The following GALT variants were observed in gnomAD, a reference collection of about 807,000 sequenced individuals.
GALT encodes UDP-glucose--hexose-1-phosphate uridylyltransferase.
Under a neutral mutation model 55.4 loss-of-function variants are expected in GALT, and 42 were observed. The ratio of observed to expected loss-of-function variants is 0.76; its 90% confidence interval spans 0.59 to 0.98. The LOEUF is 0.98. Among genes scored for constraint, GALT ranks in the 50% least tolerant of loss-of-function variants. The pLI, the probability that GALT is intolerant of heterozygous loss-of-function variation, is 0.00. For synonymous variants in GALT, 154 were observed against 181.5 expected (o/e 0.85, Z 1.22); for missense variants, 407 against 495.7 (o/e 0.82, Z 1.70).
chr9:34,648,887 G>C lies in GALT; in HGVS notation c.813G>C (p.Glu271Asp), dbSNP rs1262475195. The C allele has an allele frequency of 1.2e-6, 2 of 1,613,218 alleles. No individual in the cohort carries two copies. Among genetic ancestry groups the C allele is most frequent in the Non-Finnish European group, 1.7e-6 (2 of 1,180,040 alleles). ...VRRLPELTPAERDDLASIMKK... is the reference protein window; with the variant it reads ...VRRLPELTPADRDDLASIMKK... ...GGCTACCTGAGCTGACCCCTGCTGA[G>C]CGTGATGGTCAGTCTCCCAAGTAGG... The change falls in exon 8 of 11, where the codon GAG (glutamate) becomes GAC (aspartate). Residue 271 changes from glutamate (E) to aspartate (D), a missense_variant. Glu to Asp is a conservative substitution (Grantham distance 45). Coordinates refer to ENST00000378842, the MANE Select transcript of GALT (RefSeq NM_000155.4). This position sits in a 1 kb window ranked among gnomAD's most constrained non-coding sequence, Gnocchi z 4.9.
intron 10 of GALT, 44 bp downstream of exon 10, chr9:34,649,608 A>G: frequency 6.2e-7 from 1 of 1,606,472 alleles, no homozygotes; most frequent in Non-Finnish European, 8.5e-7. Context: ...TCTCACATGC[A>G]GTATGTGCAG....
At position 34,648,292 on chromosome 9, in the gene GALT, T is replaced by A. The variant is rs1587239145; in HGVS notation, c.565-42T>A. ...TGCCAATGATGTGGAGGCTTGGAGG[T>A]AAAGGACCTGCCTGTTCTTCTCTGC... On this transcript the variant is annotated intron_variant, in intron 6 of 10. Coordinates refer to ENST00000378842, the MANE Select transcript of GALT (RefSeq NM_000155.4). The surrounding 1 kb of genome is among the most constrained non-coding windows in gnomAD (Gnocchi z 4.9). 6.2e-7 allele frequency: 1 copy of A among 1,613,732 alleles called. No homozygotes were observed. The highest frequency in any genetic ancestry group is 8.5e-7 in the Non-Finnish European group (1 of 1,180,004).
chr9:34,650,145 T>A, intron 10 of GALT: 1 of 551,012 alleles, frequency 1.8e-6, no homozygotes, highest in South Asian at 2.2e-5. Flanking sequence ...TAGCCAGGTA[T>A]GGTGGCATAT....
rs111033743 is a variant in GALT at position 34,648,388 on chromosome 9, C to T, written c.619C>T (p.Gln207Ter). Residue 207 changes from glutamine (Q) to a stop codon, truncating the protein, a stop_gained, in exon 7 of 11, where the codon CAG becomes TAG. Coordinates refer to ENST00000378842, the MANE Select transcript of GALT (RefSeq NM_000155.4). LOFTEE classifies it high-confidence loss of function. This position sits in a 1 kb window ranked among gnomAD's most constrained non-coding sequence, Gnocchi z 4.9. ...DIAQREERSQQAYKSQHGEPL... is the reference protein window; with the variant it reads ...DIAQREERSQ ...TGCCCAGCGTGAGGAGCGATCTCAG[C>T]AGGCCTATAAGAGTCAGCATGGAGA... The T allele has an allele frequency of 2.5e-6, 4 of 1,614,188 alleles. No homozygotes were observed. In the Admixed American group the frequency reaches 6.7e-5, roughly 27 times the overall value.
Position 34,648,291 on chromosome 9 carries a change from G to C in GALT, c.565-43G>C. Reference sequence around the variant, plus strand: ...ATGCCAATGATGTGGAGGCTTGGAGGTAAAGGACCTGCCTGTTCTTCTCTG... The same window carrying C: ...ATGCCAATGATGTGGAGGCTTGGAGCTAAAGGACCTGCCTGTTCTTCTCTG... On this transcript the variant is annotated intron_variant, in intron 6 of 10. Transcript: ENST00000378842. The surrounding 1 kb of genome is among the most constrained non-coding windows in gnomAD (Gnocchi z 4.9). The C allele has an allele frequency of 6.2e-7, 1 of 1,613,906 alleles. No homozygotes were observed. The highest frequency in any genetic ancestry group is 1.1e-5 in the South Asian group (1 of 91,064).
intron 9 of GALT, 76 bp downstream of exon 9, chr9:34,649,157 A>T (rs1169090101): frequency 6.9e-7 from 1 of 1,439,976 alleles, no homozygotes; most frequent in Non-Finnish European, 9.8e-7. Context: ...GTGAACTGCA[A>T]CCTCAAAGGA....
rs111033669 is a variant in GALT at position 34,647,529 on chromosome 9, A to G, written c.290A>G (p.Asn97Ser). Residue 97 changes from asparagine (N) to serine (S), a missense_variant, in exon 3 of 11, where the codon AAC becomes AGC. By Grantham distance (46) the Asn-to-Ser change is conservative. Coordinates refer to ENST00000378842, the MANE Select transcript of GALT (RefSeq NM_000155.4). This position sits in a 1 kb window ranked among gnomAD's most constrained non-coding sequence, Gnocchi z 5.6. ...TACGATAGCACCTTCCTGTTTGACA[A>G]CGACTTCCCAGCTCTGCAGCCTGAT... Reference protein sequence around the residue: ...PQYDSTFLFDNDFPALQPDAP... With the variant: ...PQYDSTFLFDSDFPALQPDAP... The G allele has an allele frequency of 3.1e-6, 5 of 1,614,082 alleles. No individual in the cohort carries two copies. Among genetic ancestry groups the G allele is most frequent in the East Asian group, 4.5e-5 (2 of 44,876 alleles).
At position 34,650,714 on chromosome 9, in the gene GALT, T is replaced by C. The variant is rs1480150218; in HGVS notation, c.*265T>C. 3 of 497,944 alleles carry C rather than the reference T, an allele frequency of 6.0e-6. No individual in the cohort carries two copies. The highest frequency in any genetic ancestry group is 1.1e-5 in the Non-Finnish European group (3 of 276,786). 30.8% of individuals were successfully genotyped at this position (497,944 alleles called of 1,614,324 possible). A position where few individuals can be genotyped will look rare whatever the true frequency, so the allele number is the denominator to read the frequency against. On this transcript the variant is annotated 3_prime_UTR_variant, in exon 11 of 11. Coordinates refer to ENST00000378842, the MANE Select transcript of GALT (RefSeq NM_000155.4). ...TCTTGATGCAAAAATCTACCCCAAA[T>C]TTCTGAACAAAATTAATATTCAGTA...
chr9:34,649,580 A>T lies in GALT; in HGVS notation c.1059+16A>T, dbSNP rs1821203972. The T allele has an allele frequency of 3.7e-6, 6 of 1,614,126 alleles. No individual in the cohort carries two copies. The East Asian group carries it at 1.3e-4, about 36-fold the overall frequency. The stretch of plus-strand genomic sequence containing the variant: ...CCCTGAGCAGGTCAGGACTCAGAAC[A>T]GTCTGGCGTCTCCAGACTCTCACAT... On this transcript the variant is annotated intron_variant, in intron 10 of 10. Coordinates refer to ENST00000378842, the MANE Select transcript of GALT (RefSeq NM_000155.4).
rs111033705 is a variant in GALT, at chr9:34,647,944, C to T, written c.490C>T (p.Gln164Ter). ...WASVTEELGA[Q>*]YPWVQIFENK... is the part of the protein sequence containing the mutation. ...CTCAGTCACAGAGGAGCTGGGTGCC[C>T]AGTACCCTTGGGTGCAGGTTTGTGA... Residue 164 changes from glutamine to a stop codon, truncating the protein, a stop_gained, in exon 5 of 11, where the codon CAG (glutamine) becomes TAG (stop). Transcript: ENST00000378842. LOFTEE classifies it high-confidence loss of function. This position sits in a 1 kb window ranked among gnomAD's most constrained non-coding sequence, Gnocchi z 5.6. 6.2e-7 allele frequency: 1 copy of T among 1,614,094 alleles called. No homozygotes were observed. Among genetic ancestry groups the T allele is most frequent in the Non-Finnish European group, 8.5e-7 (1 of 1,180,052 alleles).
rs111033674 is a variant in GALT, at chr9:34,647,695, C to G, written c.367C>G (p.Arg123Gly). The change falls in exon 4 of 11, where the codon CGA becomes GGA. Residue 123 changes from arginine (R) to glycine (G), a missense_variant. Coordinates refer to ENST00000378842, the MANE Select transcript of GALT (RefSeq NM_000155.4). The surrounding 1 kb of genome is among the most constrained non-coding windows in gnomAD (Gnocchi z 5.6). ...TCCCCTTTTCCAAGCAAAGTCTGCT[C>G]GAGGAGTCTGGTAACTATGGATTTC... ...DHPLFQAKSA[R>G]GVCKVMCFHP... 4.3e-6 allele frequency: 7 copies of G among 1,614,000 alleles called. No individual in the cohort carries two copies. The highest frequency in any genetic ancestry group is 1.1e-5 in the South Asian group (1 of 91,074).
At position 34,649,057 on chromosome 9, in the gene GALT, T is replaced by C; in HGVS notation, c.880T>C (p.Phe294Leu). Residue 294 changes from phenylalanine to leucine, a missense_variant, in exon 9 of 11, where the codon TTT (phenylalanine) becomes CTT (leucine). By Grantham distance (22) the Phe-to-Leu change is conservative (BLOSUM62 0). Transcript: ENST00000378842. ...GTATGACAACCTCTTTGAGACGTCC[T>C]TTCCCTACTCCATGGGCTGGCATGG... The part of the protein sequence containing the change: ...TKYDNLFETS[F>L]PYSMGWHGAP... 1 of 1,614,172 alleles carries C rather than the reference T, an allele frequency of 6.2e-7. No homozygotes were observed. The highest frequency in any genetic ancestry group is 8.5e-7 in the Non-Finnish European group (1 of 1,179,998).
chr9:34,647,478 A>C lies in GALT; in HGVS notation c.253-14A>C, dbSNP rs369529357. 7 of 1,613,796 alleles carry C rather than the reference A, an allele frequency of 4.3e-6. No individual in the cohort carries two copies. Among genetic ancestry groups the C allele is most frequent in the Non-Finnish European group, 5.9e-6 (7 of 1,179,872 alleles). ...ATGGGGCAGTGAGTGCTTCTAGCCTATCCTTGTCGGTAGGTGAATCCCCAG... is the reference window on the plus strand; with the variant it reads ...ATGGGGCAGTGAGTGCTTCTAGCCTCTCCTTGTCGGTAGGTGAATCCCCAG... On this transcript the variant is annotated splice_polypyrimidine_tract_variant and intron_variant, in intron 2 of 10. Transcript: ENST00000378842. The surrounding 1 kb of genome is among the most constrained non-coding windows in gnomAD (Gnocchi z 5.6).
intron 1 of GALT, 25 bp downstream of exon 1, chr9:34,646,811 G>T: frequency 6.2e-7 from 1 of 1,613,072 alleles, no homozygotes; most frequent in Non-Finnish European, 8.5e-7. Flanking sequence ...GCAGGGACTC[G>T]CTGGGGCGCG....
intron 10 of GALT, 80 bp downstream of exon 10, chr9:34,649,644 T>C (rs554948336): frequency 9.4e-5 from 144 of 1,534,598 alleles, no homozygotes; most frequent in Non-Finnish European, 1.3e-4. Flanking sequence ...GTTGCCCTTG[T>C]GCTCCAGTCA....
chr9:34,647,525 G>C lies in GALT; in HGVS notation c.286G>C (p.Asp96His), dbSNP rs1564100952. Residue 96 changes from aspartate to histidine, a missense_variant, in exon 3 of 11, where the codon GAC becomes CAC. By Grantham distance (81) the Asp-to-His change is moderately conservative. Transcript: ENST00000378842. This position sits in a 1 kb window ranked among gnomAD's most constrained non-coding sequence, Gnocchi z 5.6. ...CCAGTACGATAGCACCTTCCTGTTT[G>C]ACAACGACTTCCCAGCTCTGCAGCC... ...NPQYDSTFLFDNDFPALQPDA... is the reference protein window; with the variant it reads ...NPQYDSTFLFHNDFPALQPDA... The C allele has an allele frequency of 2.5e-6, 4 of 1,614,136 alleles. No homozygotes were observed. Among genetic ancestry groups the C allele is most frequent in the Non-Finnish European group, 3.4e-6 (4 of 1,180,028 alleles).
In GALT at chr9:34,649,496, A is replaced by G. The variant is rs755275031; in HGVS notation, c.991A>G (p.Thr331Ala). Residue 331 changes from threonine to alanine, a missense_variant, in exon 10 of 11, where the codon ACT becomes GCT. Coordinates refer to ENST00000378842, the MANE Select transcript of GALT (RefSeq NM_000155.4). ...CTACCCTCCGCTCCTGCGCTCTGCC[A>G]CTGTCCGGAAATTCATGGTTGGCTA... The part of the protein sequence containing the change: ...HYYPPLLRSA[T>A]VRKFMVGYEM... The G allele has an allele frequency of 6.2e-7, 1 of 1,614,114 alleles. No homozygotes were observed. Among genetic ancestry groups the G allele is most frequent in the Non-Finnish European group, 8.5e-7 (1 of 1,179,994 alleles).
Position 34,650,379 on chromosome 9 carries a change from G to C in GALT, c.1070G>C (p.Arg357Thr), listed in dbSNP as rs1313310520. The C allele has an allele frequency of 1.2e-6, 2 of 1,613,722 alleles. No homozygotes were observed. The highest frequency in any genetic ancestry group is 1.7e-6 in the Non-Finnish European group (2 of 1,179,936). ...CTGTCCCTTTTCCAGGCTGCAGAGA[G>C]ACTAAGGGCACTTCCTGAGGTTCAT... ...RDLTPEQAAE[R>T]LRALPEVHYH... The change falls in exon 11 of 11, where the codon AGA becomes ACA. Residue 357 changes from arginine to threonine, a missense_variant. By Grantham distance (71) the Arg-to-Thr change is moderately conservative. Transcript: ENST00000378842.
Position 34,649,390 on chromosome 9 carries a change from G to A in GALT, c.905-20G>A. ...TGTAAAAGGGCTCTCTCTCCCCACT[G>A]TCTCTCTTCTTTCTGTCAGGGGCTC... On this transcript the variant is annotated intron_variant, in intron 9 of 10. Coordinates refer to ENST00000378842, the MANE Select transcript of GALT (RefSeq NM_000155.4). The A allele has an allele frequency of 2.5e-6, 4 of 1,614,058 alleles. No homozygotes were observed. The highest frequency in any genetic ancestry group is 2.5e-6 in the Non-Finnish European group (3 of 1,180,018).
Sources: gnomAD v4.1 joint callset for allele counts on GRCh38, gnomAD v4.1.1 for gene constraint, Gnocchi (gnomAD v3.1) non-coding constraint, MANE v1.5 for transcripts, NCBI Gene and HGNC (gene_info 2026-07-23, HGNC 2026-07-21) for gene names.